Variants in LIPA observed in about 807,000 individuals in gnomAD.
LIPA encodes lipase A, lysosomal acid type, also known as lysosomal acid lipase/cholesteryl ester hydrolase.
A neutral mutation model predicts 40.6 loss-of-function variants in LIPA; 26 were observed. The observed-to-expected ratio is 0.64, with a 90% CI of 0.47 to 0.89. LIPA has a LOEUF of 0.89. Ranked by LOEUF, LIPA falls within the 40% of genes least tolerant of loss-of-function variation. The probability of loss-of-function intolerance (pLI) is 0.00; values close to 1 mark genes in which losing one functional copy is unlikely to be tolerated. For missense variants in LIPA, 455 were observed against 479.6 expected (o/e 0.95, Z 0.48); for synonymous variants, 188 against 168.4 (o/e 1.12, Z -0.90).
intron 2 of LIPA, chr10:89,392,532 T>G (rs1844270960): frequency 1.3e-5 from 3 of 237,544 alleles, no homozygotes; most frequent in African/African-American, 2.4e-5. Context: ...TCGGTTTCCC[T>G]AGGTTTCCAA....
intron 8 of LIPA, among the ~76,000 whole-genome samples, chr10:89,218,239 C>A (rs7908760): frequency 0.28 from 43,106 of 151,976 alleles, 7,248 homozygotes; most frequent in African/African-American, 0.46. Flanking sequence ...CTATGCCTAC[C>A]CTCTCCCTTA....
At chr10:89,320,739 A>T (rs1843566680) in intron 1 of LIPA, among the ~76,000 whole-genome samples, 1 of 152,242 alleles carries the variant, frequency 6.6e-6, no homozygotes, top group Non-Finnish European at 1.5e-5. Context: ...TATGGAACCA[A>T]AATAGAGCCT....
upstream of LIPA, chr10:89,252,105 C>G (rs1843134015): frequency 6.6e-6 from 1 of 152,252 alleles, no homozygotes; most frequent in Non-Finnish European, 1.5e-5. Flanking sequence ...TGCTCCGCCC[C>G]CGAAGCTCCT....
In LIPA at chr10:89,357,617, C is replaced by T. The variant is rs571720295; in HGVS notation, c.61+55174G>A. ...TCTAACCGAATGAAAACATCACAAG[C>T]GATGTTCATAGAATTGCAAACCAGA... On this transcript the variant is annotated intron_variant, in intron 2 of 8. Transcript: ENST00000371837. Among the ~76,000 whole-genome samples, 133 of 152,190 alleles carry T rather than the reference C, an allele frequency of 8.7e-4. 1 individual carries two copies. The highest frequency in any genetic ancestry group is 3.1e-3 in the African/African-American group (127 of 41,508).
intron 2 of LIPA, among the ~76,000 whole-genome samples, chr10:89,371,123 C>A (rs571482587): frequency 1.3e-5 from 2 of 152,340 alleles, no homozygotes; most frequent in South Asian, 2.1e-4. Flanking sequence ...CAGTAATCAG[C>A]CCAAGTAGGC....
chr10:89,357,093 G>C (rs1378935973), intron 2 of LIPA, among the ~76,000 whole-genome samples: 13 of 152,106 alleles, frequency 8.5e-5, no homozygotes, highest in Non-Finnish European at 1.3e-4. Flanking sequence ...ACTCAGGCAT[G>C]GTTGAAAGGG....
At chr10:89,321,662 G>T (rs1168099269) in intron 1 of LIPA, among the ~76,000 whole-genome samples, 1 of 152,188 alleles carries the variant, frequency 6.6e-6, no homozygotes, top group Non-Finnish European at 1.5e-5. Context: ...ACAGTGTGGC[G>T]ATTCCTCAAG....
intron 2 of LIPA, among the ~76,000 whole-genome samples, chr10:89,358,845 AT>A: frequency 6.6e-6 from 1 of 152,228 alleles, no homozygotes; most frequent in East Asian, 1.9e-4. Context: ...AGAAGGAATA[AT>A]TTCTAGTGTT....
chr10:89,407,314 G>C (rs764711279), intron 2 of LIPA, among the ~76,000 whole-genome samples: 1 of 152,032 alleles, frequency 6.6e-6, no homozygotes. Context: ...TCTCTTCTCC[G>C]AGGCTAGTCC....
rs573605467 is a variant in LIPA, at chr10:89,281,945, A to T, written c.-1-34296T>A. Among the ~76,000 whole-genome samples the T allele has an allele frequency of 2.0e-5, 3 of 152,306 alleles. No individual in the cohort carries two copies. The East Asian group carries it at 5.8e-4, about 29-fold the overall frequency. On this transcript the variant is annotated intron_variant, in intron 1 of 5. Transcript: ENST00000282673. ...GGCTCTTGGTTCTCCATCAGAATAA[A>T]CAGTTATGGTACTATTAGAGTTTTC...
chr10:89,228,619 C>T (rs1448010165), intron 3 of LIPA, among the ~76,000 whole-genome samples: 2 of 152,034 alleles, frequency 1.3e-5, no homozygotes, highest in African/African-American at 4.8e-5. Context: ...TTTTGCATGT[C>T]CACTAACAAG....
rs1310595566 is a variant in LIPA, at chr10:89,228,285, C to T, written c.343G>A (p.Val115Met). The T allele has an allele frequency of 1.2e-5, 20 of 1,614,048 alleles. No homozygotes were observed. The highest frequency in any genetic ancestry group is 5.3e-5 in the African/African-American group (4 of 74,904). The stretch of plus-strand genomic sequence containing the variant: ...TTTCCTCTGCTGTTGCCCATCCACA[C>T]GTCAAAACCAGCATCAGCAAGAATG... Reference protein sequence around the residue: ...GFILADAGFDVWMGNSRGNTW... With the variant: ...GFILADAGFDMWMGNSRGNTW... The change falls in exon 4 of 10, where the codon GTG becomes ATG. Residue 115 changes from valine to methionine, a missense_variant. Physicochemically the swap from Val to Met is conservative, Grantham distance 21. Transcript: ENST00000336233.
chr10:89,253,446 C>A (rs1304441832), upstream of LIPA, among the ~76,000 whole-genome samples: 1 of 152,200 alleles, frequency 6.6e-6, no homozygotes, highest in Admixed American at 6.5e-5. Context: ...TTTACCACCA[C>A]AAGAACAGTA....
intron 2 of LIPA, among the ~76,000 whole-genome samples, chr10:89,361,781 G>A (rs1844022986): frequency 6.7e-6 from 1 of 149,970 alleles, no homozygotes; most frequent in Admixed American, 6.7e-5. Flanking sequence ...TGGCAATATG[G>A]AATGACGTTG....
chr10:89,324,299 G>A (rs1213120064), intron 1 of LIPA, among the ~76,000 whole-genome samples: 1 of 152,154 alleles, frequency 6.6e-6, no homozygotes, highest in Non-Finnish European at 1.5e-5. Flanking sequence ...GTTCAATAAA[G>A]GGTGCTGGGA....
rs569814302 is a variant in LIPA, at chr10:89,233,665, C to T, written c.230-5267G>A. On this transcript the variant is annotated intron_variant, in intron 3 of 9. Coordinates refer to ENST00000336233, the MANE Select transcript of LIPA (RefSeq NM_000235.4). ...CTGTAATCCCAGCATTTTGGGAGGCCGAGGCGGGTGGATCACCTGAGGTCA... is the reference window on the plus strand; with the variant it reads ...CTGTAATCCCAGCATTTTGGGAGGCTGAGGCGGGTGGATCACCTGAGGTCA... Among the ~76,000 whole-genome samples the T allele has an allele frequency of 2.2e-4, 33 of 152,164 alleles. 1 individual carries two copies. In the East Asian group the frequency reaches 5.0e-3, roughly 23 times the overall value.
At chr10:89,254,001 C>T (rs1262419508), upstream of LIPA, among the ~76,000 whole-genome samples, 2 of 152,216 alleles carry the variant, frequency 1.3e-5, no homozygotes, top group Non-Finnish European at 2.9e-5. Context: ...TGCAGGGGGA[C>T]CCTTCCTCCT....
intron 1 of LIPA, among the ~76,000 whole-genome samples, chr10:89,316,067 C>T (rs1843539911): frequency 6.6e-6 from 1 of 152,118 alleles, no homozygotes; most frequent in Non-Finnish European, 1.5e-5. Flanking sequence ...ATCAGAATCT[C>T]CTAGAGACAT....
At chr10:89,404,985 T>C (rs1252725658) in intron 2 of LIPA, 1 of 152,094 alleles carries the variant, frequency 6.6e-6, no homozygotes, top group African/African-American at 2.4e-5. Context: ...TCTCTCCAAT[T>C]GTATATAGCT....
Sources: allele counts gnomAD v4.1 joint callset (sites outside exome capture counted in the v4.1 genomes callset), GRCh38; gene constraint gnomAD v4.1.1; transcripts MANE v1.5; gene names NCBI Gene and HGNC (gene_info 2026-07-23, HGNC 2026-07-21).